BTBD9: variants seen among roughly 807,000 people sequenced by gnomAD.
BTBD9 encodes BTB domain containing 9.
In BTBD9, 49 loss-of-function variants were observed where a neutral mutation model predicts 64.3. That is an observed-to-expected ratio of 0.76 (90% CI 0.61 to 0.97). The LOEUF (loss-of-function observed/expected upper bound fraction) is 0.97. Ranked by LOEUF, BTBD9 falls within the 50% of genes least tolerant of loss-of-function variation. BTBD9 has a pLI of 0.00. For missense variants in BTBD9, 598 were observed against 762.1 expected (o/e 0.78, Z 2.53); for synonymous variants, 260 against 274.7 (o/e 0.95, Z 0.53).
At chr6:38,257,658 A>T (rs916599236) in intron 8 of BTBD9, among the ~76,000 whole-genome samples, 1 of 152,142 alleles carries the variant, frequency 6.6e-6, no homozygotes, top group East Asian at 1.9e-4. Flanking sequence ...CAAAACTTTC[A>T]TTATTTAGAA....
intron 6 of BTBD9, among the ~76,000 whole-genome samples, chr6:38,457,256 AT>A (rs998900571): frequency 2.0e-5 from 3 of 152,134 alleles, no homozygotes; most frequent in Admixed American, 6.5e-5. Flanking sequence ...GCAGAGAGTA[AT>A]TTGACCCTGC....
Position 38,442,133 on chromosome 6 carries a change from G to A in BTBD9, c.1155-97040C>T, listed in dbSNP as rs1284305449. ...TCATAATGCTGATGTTGGTGAGACA[G>A]TTTTTGTTAGGCTCCATTGCTGTTT... On this transcript the variant is annotated intron_variant, in intron 6 of 10. Transcript: ENST00000481247. 3.3e-5 allele frequency among the ~76,000 whole-genome samples: 5 copies of A among 152,128 alleles called. No individual in the cohort carries two copies. In the East Asian group the frequency reaches 9.6e-4, roughly 29 times the overall value.
chr6:38,310,793 C>CTT (rs1554137759), intron 7 of BTBD9, among the ~76,000 whole-genome samples: 1 of 150,920 alleles, frequency 6.6e-6, no homozygotes, highest in African/African-American at 2.4e-5. Flanking sequence ...ACCCTTCTAG[C>CTT]TTTGTTTTGT....
intron 8 of BTBD9, among the ~76,000 whole-genome samples, chr6:38,282,712 C>T (rs1042812107): frequency 1.3e-5 from 2 of 152,174 alleles, no homozygotes; most frequent in Non-Finnish European, 2.9e-5. Context: ...GCAAGCTCCA[C>T]TCCAGGGCTT....
chr6:38,181,064 G>T (rs1761533431), intron 10 of BTBD9, among the ~76,000 whole-genome samples: 1 of 152,182 alleles, frequency 6.6e-6, no homozygotes, highest in Admixed American at 6.5e-5. Context: ...ATTCCTCAGT[G>T]GCTTGGTGGC....
intron 8 of BTBD9, among the ~76,000 whole-genome samples, chr6:38,276,543 G>C (rs1761264345): frequency 6.6e-6 from 1 of 152,012 alleles, no homozygotes; most frequent in South Asian, 2.1e-4. Context: ...CAAAGGAAAA[G>C]CAGACTGTAT....
intron 7 of BTBD9, 148 bp downstream of exon 7, chr6:38,344,836 A>C: frequency 2.1e-6 from 1 of 475,532 alleles, no homozygotes. Context: ...CTTCTAAAAA[A>C]TGTAAGCCAT....
intron 7 of BTBD9, among the ~76,000 whole-genome samples, chr6:38,327,410 T>C (rs1379799373): frequency 1.3e-5 from 2 of 152,108 alleles, no homozygotes; most frequent in Admixed American, 1.3e-4. Context: ...TTCCCAAAAC[T>C]GTATACAGCA....
chr6:38,433,172 G>T lies in BTBD9; in HGVS notation c.1155-88079C>A, dbSNP rs1019023487. Among the ~76,000 whole-genome samples, 6 of 152,050 alleles carry T rather than the reference G, an allele frequency of 3.9e-5. No individual in the cohort carries two copies. In the East Asian group the frequency reaches 5.8e-4, roughly 15 times the overall value. On this transcript the variant is annotated intron_variant, in intron 6 of 10. Transcript: ENST00000481247. ...ATACCAAGTTCATTCCATCTTTGAG[G>T]ATTCTGCAAAGTTCTCCCTTTACTT... is the stretch of plus-strand genomic sequence containing the variant.
chr6:38,528,970 C>T (rs779641197), intron 6 of BTBD9, among the ~76,000 whole-genome samples: 1 of 152,172 alleles, frequency 6.6e-6, no homozygotes, highest in Non-Finnish European at 1.5e-5. Flanking sequence ...GGATAGAGCA[C>T]CAAGTGGGCT....
chr6:38,464,377 T>A (rs2127356867), intron 6 of BTBD9, among the ~76,000 whole-genome samples: 1 of 142,388 alleles, frequency 7.0e-6, no homozygotes, highest in African/African-American at 2.4e-5. Flanking sequence ...CAGCCTTGCA[T>A]TCATGAAAAA....
rs996362132 is a variant in BTBD9, at chr6:38,299,529, A to G, written c.1265-11068T>C. ...CCTCTCCAGCACCTGTTGTTGCCTG[A>G]CTTTTTAATGATCGCCATTCTAACT... On this transcript the variant is annotated intron_variant, in intron 7 of 10. Coordinates refer to ENST00000481247, the MANE Select transcript of BTBD9 (RefSeq NM_001099272.2). Among the ~76,000 whole-genome samples, 42 of 152,312 alleles carry G rather than the reference A, an allele frequency of 2.8e-4. No homozygotes were observed. In the East Asian group the frequency reaches 2.9e-3, roughly 11 times the overall value.
intron 7 of BTBD9, among the ~76,000 whole-genome samples, chr6:38,341,117 T>C (rs1764080822): frequency 1.3e-5 from 2 of 152,110 alleles, no homozygotes; most frequent in Admixed American, 1.3e-4. Flanking sequence ...ACATATAGAT[T>C]TAAAGAGATT....
chr6:38,365,618 C>A (rs572929950), intron 6 of BTBD9, among the ~76,000 whole-genome samples: 2 of 151,858 alleles, frequency 1.3e-5, no homozygotes, highest in African/African-American at 4.8e-5. Context: ...ATTTGCAGGG[C>A]GTGGTGGCAC....
intron 6 of BTBD9, among the ~76,000 whole-genome samples, chr6:38,569,445 C>A (rs1775660294): frequency 6.6e-6 from 1 of 152,172 alleles, no homozygotes; most frequent in South Asian, 2.1e-4. Flanking sequence ...CTGGGCCTAA[C>A]TGCTTGGGAA....
intron 1 of BTBD9, among the ~76,000 whole-genome samples, chr6:38,632,475 A>G (rs781023230): frequency 2.0e-5 from 3 of 152,250 alleles, no homozygotes; most frequent in Non-Finnish European, 4.4e-5. Flanking sequence ...ATGTGCAGAG[A>G]AGGGAGATTA....
At chr6:38,534,016 A>C (rs1257820448) in intron 6 of BTBD9, among the ~76,000 whole-genome samples, 1 of 152,116 alleles carries the variant, frequency 6.6e-6, no homozygotes. Context: ...GTAAAAGAAA[A>C]TAAATAAAAA....
At chr6:38,198,567 T>C (rs1762346860) in intron 9 of BTBD9, among the ~76,000 whole-genome samples, 1 of 152,198 alleles carries the variant, frequency 6.6e-6, no homozygotes, top group Admixed American at 6.5e-5. Context: ...TGAGGGTGCC[T>C]AGTCTTCTTG....
intron 7 of BTBD9, among the ~76,000 whole-genome samples, chr6:38,315,077 T>C (rs1036716778): frequency 1.3e-5 from 2 of 152,230 alleles, no homozygotes; most frequent in South Asian, 2.1e-4. Flanking sequence ...CTCGATCTTC[T>C]GACCTCATGA....
Sources: allele counts gnomAD v4.1 joint callset (sites outside exome capture counted in the v4.1 genomes callset), GRCh38; gene constraint gnomAD v4.1.1; transcripts MANE v1.5; gene names NCBI Gene and HGNC (gene_info 2026-07-23, HGNC 2026-07-21).